PTH2R: variants seen among roughly 807,000 people sequenced by gnomAD.
PTH2R encodes parathyroid hormone 2 receptor.
PTH2R carries 59 observed loss-of-function variants against 60.3 expected under a neutral mutation model. The ratio of observed to expected loss-of-function variants is 0.98; its 90% CI spans 0.79 to 1.22. The LOEUF (loss-of-function observed/expected upper bound fraction) is 1.22, where lower values mean the gene tolerates loss of function less well. Among genes scored for constraint, PTH2R ranks in the 50% most tolerant of loss-of-function variants. The pLI is 0.00. For missense variants in PTH2R, 749 were observed against 682.6 expected (o/e 1.10, Z -1.08); for synonymous variants, 256 against 243.8 (o/e 1.05, Z -0.47).
chr2:208,407,814 T>C (rs6747668), intron 1 of PTH2R, among the ~76,000 whole-genome samples: 3,554 of 152,208 alleles, frequency 0.023, 133 homozygotes, highest in African/African-American at 0.081. Context: ...GCTAGAGAGA[T>C]GCGTGTAGTG....
At chr2:208,489,738 C>A (rs1428487011) in intron 11 of PTH2R, among the ~76,000 whole-genome samples, 12 of 152,202 alleles carry the variant, frequency 7.9e-5, no homozygotes, top group Non-Finnish European at 1.5e-5. Flanking sequence ...AACTAAAACT[C>A]ACATACCATT....
intron 2 of PTH2R, among the ~76,000 whole-genome samples, chr2:208,435,033 C>G (rs578024677): frequency 6.6e-6 from 1 of 152,150 alleles, no homozygotes; most frequent in Non-Finnish European, 1.5e-5. Context: ...CTTATTGCTT[C>G]GGCAATGCAC....
At chr2:208,362,948 C>A (rs1055484373) in intron 1 of PTH2R, among the ~76,000 whole-genome samples, 6 of 152,118 alleles carry the variant, frequency 3.9e-5, no homozygotes, top group African/African-American at 9.6e-5. Context: ...TGTTGAGCAT[C>A]CTTCCATATG....
chr2:208,382,458 T>C (rs994011778), intron 1 of PTH2R, among the ~76,000 whole-genome samples: 1 of 152,236 alleles, frequency 6.6e-6, no homozygotes, highest in Admixed American at 6.5e-5. Context: ...GCAATTTTGA[T>C]GCTGTATGTC....
chr2:208,373,615 T>G (rs1364374070), intron 1 of PTH2R, among the ~76,000 whole-genome samples: 1 of 152,088 alleles, frequency 6.6e-6, no homozygotes, highest in Non-Finnish European at 1.5e-5. Flanking sequence ...GCAGGGAGAT[T>G]GCTGGAGTCA....
intron 9 of PTH2R, among the ~76,000 whole-genome samples, chr2:208,478,183 A>G (rs1703061790): frequency 6.6e-6 from 1 of 152,154 alleles, no homozygotes; most frequent in Admixed American, 6.5e-5. Context: ...AAAAGAAGTA[A>G]TCTGCCACAT....
At chr2:208,417,093 GTC>G (rs1312355654) in intron 1 of PTH2R, among the ~76,000 whole-genome samples, 2 of 152,196 alleles carry the variant, frequency 1.3e-5, no homozygotes, top group Non-Finnish European at 2.9e-5. Flanking sequence ...GGTAACAAGA[GTC>G]TCTTGATCTT....
At chr2:208,471,862 G>T (rs1487815017) in intron 9 of PTH2R, among the ~76,000 whole-genome samples, 1 of 152,228 alleles carries the variant, frequency 6.6e-6, no homozygotes, top group Non-Finnish European at 1.5e-5. Flanking sequence ...GCTATACCCT[G>T]CAAAGCCAAA....
intron 1 of PTH2R, among the ~76,000 whole-genome samples, chr2:208,395,469 C>T (rs1701191954): frequency 6.6e-6 from 1 of 152,130 alleles, no homozygotes; most frequent in Non-Finnish European, 1.5e-5. Context: ...TGTGTGCTCA[C>T]CAGCGGTGTG....
Position 208,493,590 on chromosome 2 carries a change from G to T in PTH2R, c.1584G>T (p.Lys528Asn). The T allele has an allele frequency of 6.2e-7, 1 of 1,608,216 alleles. No homozygotes were observed. Among genetic ancestry groups the T allele is most frequent in the Non-Finnish European group, 8.5e-7 (1 of 1,176,800 alleles). Residue 528 changes from lysine (K) to asparagine (N), a missense_variant, in exon 13 of 13, where the codon AAG becomes AAT. By Grantham distance (94) the Lys-to-Asn change is moderately conservative. Transcript: ENST00000272847. ...AGGGAGATGATATTCTAATGGAGAAGCCTTCCAGGCCTATGGAATCTAACC... is the reference window on the plus strand; with the variant it reads ...AGGGAGATGATATTCTAATGGAGAATCCTTCCAGGCCTATGGAATCTAACC... Reference protein sequence around the residue: ...GRQGDDILMEKPSRPMESNPD... With the variant: ...GRQGDDILMENPSRPMESNPD...
intron 1 of PTH2R, among the ~76,000 whole-genome samples, chr2:208,392,966 G>C (rs1015885636): frequency 6.6e-6 from 1 of 152,184 alleles, no homozygotes; most frequent in African/African-American, 2.4e-5. Flanking sequence ...CCACAGGCTG[G>C]ACAGGGTCAA....
At chr2:208,398,298 C>T (rs4673404) in intron 1 of PTH2R, among the ~76,000 whole-genome samples, 55,535 of 152,058 alleles carry the variant, frequency 0.37, 11,292 homozygotes, top group Admixed American at 0.45. Context: ...TCACATTTAT[C>T]ACTCCTTGGC....
intron 1 of PTH2R, among the ~76,000 whole-genome samples, chr2:208,421,808 T>A (rs563713540): frequency 6.6e-6 from 1 of 152,292 alleles, no homozygotes; most frequent in African/African-American, 2.4e-5. Flanking sequence ...ATTTGTTACT[T>A]GGCCCATTCA....
chr2:208,420,000 C>T (rs2105845294), intron 1 of PTH2R, among the ~76,000 whole-genome samples: 1 of 152,202 alleles, frequency 6.6e-6, no homozygotes. Flanking sequence ...ATGGATGAAG[C>T]TGGAAACCAT....
intron 1 of PTH2R, among the ~76,000 whole-genome samples, chr2:208,408,046 T>C (rs991412667): frequency 6.6e-6 from 1 of 152,208 alleles, no homozygotes; most frequent in Non-Finnish European, 1.5e-5. Flanking sequence ...ATTCTAAAAG[T>C]GCAGTTTAAA....
chr2:208,402,043 C>T (rs1701319900), upstream of PTH2R, among the ~76,000 whole-genome samples: 2 of 152,178 alleles, frequency 1.3e-5, no homozygotes, highest in Admixed American at 1.3e-4. Context: ...CATTGCAATG[C>T]CATGTCTTAG....
intron 1 of PTH2R, among the ~76,000 whole-genome samples, chr2:208,376,254 T>A (rs1162466759): frequency 2.6e-5 from 4 of 152,132 alleles, no homozygotes; most frequent in African/African-American, 4.8e-5. Flanking sequence ...CTAGGCTTTT[T>A]AAATGTAAAC....
At chr2:208,377,748 G>A (rs1414568233) in intron 1 of PTH2R, among the ~76,000 whole-genome samples, 7 of 151,712 alleles carry the variant, frequency 4.6e-5, no homozygotes, top group South Asian at 2.1e-4. Context: ...TCGCGGCTGG[G>A]CAGAGGCGCT....
At chr2:208,378,493 G>T (rs951774384) in intron 1 of PTH2R, among the ~76,000 whole-genome samples, 1 of 152,066 alleles carries the variant, frequency 6.6e-6, no homozygotes, top group Non-Finnish European at 1.5e-5. Flanking sequence ...TGAAATCTTA[G>T]CCCTCAGAGT....
Sources: gnomAD v4.1 joint callset for allele counts (sites outside exome capture counted in the v4.1 genomes callset) on GRCh38, gnomAD v4.1.1 for gene constraint, MANE v1.5 for transcripts, NCBI Gene and HGNC (gene_info 2026-07-23, HGNC 2026-07-21) for gene names.